CARHSP1: variants seen among roughly 807,000 people sequenced by gnomAD.
The protein encoded by CARHSP1 is calcium-regulated heat-stable protein 1.
CARHSP1 carries 14 observed loss-of-function variants against 12.5 expected under a neutral mutation model. The ratio of observed to expected loss-of-function variants is 1.12; its 90% CI spans 0.74 to 1.75. CARHSP1 has a LOEUF of 1.75. Ranked by LOEUF, CARHSP1 falls within the 40% of genes most tolerant of loss-of-function variation. The probability of loss-of-function intolerance (pLI) is 0.00; values close to 1 mark genes in which losing one functional copy is unlikely to be tolerated. For missense variants in CARHSP1, 343 were observed against 201.6 expected (o/e 1.70, Z -4.25); for synonymous variants, 161 against 82.0 (o/e 1.96, Z -5.20).
chr16:8,858,621 A>C (rs1596532034), intron 2 of CARHSP1, 149 bp from the exon 3 acceptor site: 1 of 937,480 alleles, frequency 1.1e-6, no homozygotes, highest in Non-Finnish European at 1.5e-6. Context: ...ACAACCCTCA[A>C]CCCTGGGAGC....
At position 8,855,265 on chromosome 16, in the gene CARHSP1, G is replaced by A. The variant is rs956894677; in HGVS notation, c.343C>T (p.Pro115Ser). The A allele has an allele frequency of 1.9e-6, 3 of 1,612,998 alleles. No individual in the cohort carries two copies. The highest frequency in any genetic ancestry group is 2.7e-5 in the African/African-American group (2 of 74,858). The change falls in exon 4 of 4, where the codon CCA becomes TCA. Residue 115 changes from proline to serine, a missense_variant. Physicochemically the swap from Pro to Ser is moderately conservative, Grantham distance 74. Coordinates refer to ENST00000311052, the MANE Select transcript of CARHSP1 (RefSeq NM_014316.4). ...DEVTYKMCSI[P>S]PKNEKLQAVE... Reference sequence around the variant, plus strand: ...GCCTGCAGCTTCTCATTCTTGGGTGGGATGGAGCACATTTTATAGGTGACC... The same window carrying A: ...GCCTGCAGCTTCTCATTCTTGGGTGAGATGGAGCACATTTTATAGGTGACC...
intron 1 of CARHSP1, among the ~76,000 whole-genome samples, chr16:8,860,734 T>G (rs1187589927): frequency 1.3e-5 from 2 of 151,958 alleles, no homozygotes; most frequent in South Asian, 2.1e-4. Context: ...TTGACTCAGG[T>G]CCCATGGGGT....
At chr16:8,861,056 AAAT>A (rs199595027) in intron 1 of CARHSP1, among the ~76,000 whole-genome samples, 416 of 20,792 alleles carry the variant, frequency 0.02, 10 homozygotes, top group Middle Eastern at 0.06. Flanking sequence ...TCTCAAAAAA[AAAT>A]AAATAACTTT....
chr16:8,856,298 A>G (rs1046274918), intron 3 of CARHSP1, among the ~76,000 whole-genome samples: 1 of 151,952 alleles, frequency 6.6e-6, no homozygotes, highest in Non-Finnish European at 1.5e-5. Context: ...CAGATGCTAA[A>G]TGCAAGGGCC....
chr16:8,862,413 C>G (rs960638135), intron 1 of CARHSP1, among the ~76,000 whole-genome samples: 2 of 152,146 alleles, frequency 1.3e-5, no homozygotes, highest in African/African-American at 2.4e-5. Flanking sequence ...ATCATAAAGG[C>G]ACTCAACAGA....
rs79105277 is a variant in CARHSP1, at chr16:8,862,206, G to A, written c.-7-2871C>T. Among the ~76,000 whole-genome samples the A allele has an allele frequency of 2.1e-4, 32 of 151,726 alleles. 1 individual carries two copies. ...TGACTTCTAATCCTACCCCTTGCCT[G>A]CTGTGTGGTCTTGTACAAGTTACTT... On this transcript the variant is annotated intron_variant, in intron 1 of 3. Transcript: ENST00000311052.
At chr16:8,859,087 A>C in intron 2 of CARHSP1, 84 bp downstream of exon 2, 1 of 1,362,106 alleles carries the variant, frequency 7.3e-7, no homozygotes, top group Non-Finnish European at 9.9e-7. Context: ...ACATAGGCCC[A>C]AAAATGGCCA....
At chr16:8,856,299 T>C (rs2061104428) in intron 3 of CARHSP1, among the ~76,000 whole-genome samples, 1 of 152,124 alleles carries the variant, frequency 6.6e-6, no homozygotes, top group African/African-American at 2.4e-5. Flanking sequence ...AGATGCTAAA[T>C]GCAAGGGCCA....
intron 1 of CARHSP1, among the ~76,000 whole-genome samples, chr16:8,862,745 G>C (rs978057624): frequency 1.3e-5 from 2 of 152,168 alleles, no homozygotes; most frequent in Admixed American, 1.3e-4. Context: ...TGATGGGTGG[G>C]GGACTAGGAA....
chr16:8,858,014 C>G (rs963582675), intron 3 of CARHSP1: 1 of 251,262 alleles, frequency 4.0e-6, no homozygotes, highest in Non-Finnish European at 7.8e-6. Flanking sequence ...CCACCCACCT[C>G]GGCCTCCCAA....
chr16:8,855,850 T>G (rs940238698), intron 3 of CARHSP1, among the ~76,000 whole-genome samples: 2 of 152,082 alleles, frequency 1.3e-5, no homozygotes, highest in African/African-American at 2.4e-5. Flanking sequence ...TGAGACAGAG[T>G]CTTGTTCTGT....
chr16:8,860,480 G>A (rs1480067054), intron 1 of CARHSP1: 1 of 985,376 alleles, frequency 1.0e-6, no homozygotes, highest in Non-Finnish European at 1.2e-6. Context: ...GCTCTAACGT[G>A]GCCTCAGCTC....
At chr16:8,862,852 C>T (rs1330488692) in intron 1 of CARHSP1, among the ~76,000 whole-genome samples, 1 of 152,114 alleles carries the variant, frequency 6.6e-6, no homozygotes, top group Non-Finnish European at 1.5e-5. Context: ...CGTCGTCCTC[C>T]TTGCATCTTC....
rs78715761 is a variant in CARHSP1 at position 8,859,467 on chromosome 16, T to A, written c.-7-132A>T. 5.5e-3 allele frequency: 4,483 copies of A among 820,602 alleles called. 10 individuals are homozygous for A. Among genetic ancestry groups the A allele is most frequent in the Non-Finnish European group, 6.8e-3 (3,681 of 542,624 alleles). The allele number at this position is 820,602 out of a possible 1,614,324, so 50.8% of individuals were successfully genotyped here. Reference sequence around the variant, plus strand: ...CGGGCACCTCAGCACCATTGTCACCTTGTCTGGGAGCACGCCTGGCAGGGT... The same window carrying A: ...CGGGCACCTCAGCACCATTGTCACCATGTCTGGGAGCACGCCTGGCAGGGT... On this transcript the variant is annotated intron_variant, in intron 1 of 3. Transcript: ENST00000311052.
intron 1 of CARHSP1, among the ~76,000 whole-genome samples, chr16:8,864,945 G>A (rs2141125905): frequency 6.6e-6 from 1 of 152,256 alleles, no homozygotes; most frequent in African/African-American, 2.4e-5. Context: ...GCCCAATCAT[G>A]CAGCCCCCAT....
chr16:8,857,237 C>A (rs2061147587), intron 3 of CARHSP1, among the ~76,000 whole-genome samples: 1 of 135,712 alleles, frequency 7.4e-6, no homozygotes, highest in African/African-American at 2.7e-5. Flanking sequence ...CCATCACTTT[C>A]TGGCTATGTG....
chr16:8,858,769 A>C lies in CARHSP1; in HGVS notation c.159-297T>G. The C allele has an allele frequency of 8.8e-6, 4 of 454,592 alleles. No homozygotes were observed. The South Asian group carries it at 1.4e-4, about 16-fold the overall frequency. 28.2% of individuals were successfully genotyped at this position (454,592 alleles called of 1,614,324 possible). On this transcript the variant is annotated intron_variant, in intron 2 of 3. Coordinates refer to ENST00000311052, the MANE Select transcript of CARHSP1 (RefSeq NM_014316.4). ...CTCCAGAAACTAATGATTTACTATTAATAACACAAGCATCCTCCACTCGCA... is the reference window on the plus strand; with the variant it reads ...CTCCAGAAACTAATGATTTACTATTCATAACACAAGCATCCTCCACTCGCA...
At chr16:8,866,671 G>T (rs1214224591) in intron 1 of CARHSP1, among the ~76,000 whole-genome samples, 2 of 151,896 alleles carry the variant, frequency 1.3e-5, no homozygotes, top group Non-Finnish European at 2.9e-5. Context: ...GAGAGCGGGG[G>T]GTCTGGCGAG....
At position 8,852,993 on chromosome 16, in the gene CARHSP1, C is replaced by G. The variant is rs2060986657; in HGVS notation, c.*2171G>C. On this transcript the variant is annotated 3_prime_UTR_variant, in exon 4 of 4. Transcript: ENST00000311052. ...TGGGAGAAAGATGGCTGATGGGAGG[C>G]AAGATCTGGATTCAGGAATCCTCAA... 1 of 152,136 alleles carries G rather than the reference C, an allele frequency of 6.6e-6. No individual in the cohort carries two copies. 9.4% of individuals were successfully genotyped at this position (152,136 alleles called of 1,614,324 possible).
Sources: allele counts gnomAD v4.1 joint callset (sites outside exome capture counted in the v4.1 genomes callset), GRCh38; gene constraint gnomAD v4.1.1; transcripts MANE v1.5; gene names NCBI Gene and HGNC (gene_info 2026-07-23, HGNC 2026-07-21).